Variants in SRRM4 observed in about 807,000 individuals in gnomAD.
SRRM4 encodes serine/arginine repetitive matrix 4.
SRRM4 carries 33 observed loss-of-function variants against 68.9 expected under a neutral mutation model. That is an observed-to-expected ratio of 0.48 (90% CI 0.36 to 0.64). The LOEUF (loss-of-function observed/expected upper bound fraction) is 0.64. Ranked by LOEUF, SRRM4 falls within the 30% of genes least tolerant of loss-of-function variation. SRRM4 has a pLI of 0.00. For missense variants in SRRM4, 817 were observed against 827.1 expected, an observed-to-expected ratio of 0.99 and a Z score of 0.15; for synonymous variants, 318 against 318.8, an observed-to-expected ratio of 1.00 and a Z score of 0.03.
chr12:119,005,426 A>C (rs562832565), intron 1 of SRRM4, among the ~76,000 whole-genome samples: 1 of 152,326 alleles, frequency 6.6e-6, no homozygotes, highest in African/African-American at 2.4e-5. Flanking sequence ...CCACCTCCAG[A>C]CATTCTTATT....
In SRRM4 at chr12:119,151,151, C is replaced by T. The variant is rs187731686; in HGVS notation, c.1211C>T (p.Ser404Leu). The T allele has an allele frequency of 9.1e-4, 1,468 of 1,613,928 alleles. 10 individuals are homozygous for T. Among genetic ancestry groups the T allele is most frequent in the Non-Finnish European group, 2.6e-4 (310 of 1,179,858 alleles). ...SYASTRSSSH[S>L]SRSPNPRASP... ...GCCAGCACCCGATCCTCCAGTCACT[C>T]GTCCCGATCCCCAAATCCCAGGGCT... Residue 404 changes from serine to leucine, a missense_variant, in exon 10 of 13, where the codon TCG becomes TTG. Transcript: ENST00000267260.
intron 1 of SRRM4, among the ~76,000 whole-genome samples, chr12:119,098,650 C>T (rs1954059375): frequency 6.6e-6 from 1 of 152,118 alleles, no homozygotes; most frequent in Admixed American, 6.5e-5. Context: ...CAAAGGCATA[C>T]CACATCCTAG....
chr12:119,046,094 G>A (rs958769843), intron 1 of SRRM4, among the ~76,000 whole-genome samples: 2 of 151,806 alleles, frequency 1.3e-5, no homozygotes, highest in South Asian at 2.1e-4. Flanking sequence ...CAATCCCAGC[G>A]ACCCACTGAT....
chr12:118,994,572 A>T (rs1327266512), intron 1 of SRRM4, among the ~76,000 whole-genome samples: 2 of 152,158 alleles, frequency 1.3e-5, no homozygotes, highest in Non-Finnish European at 2.9e-5. Flanking sequence ...ACTCCCAGTC[A>T]CCAAGCAAAT....
At chr12:119,118,719 C>G (rs1478286249) in intron 4 of SRRM4, among the ~76,000 whole-genome samples, 1 of 152,194 alleles carries the variant, frequency 6.6e-6, no homozygotes, top group Non-Finnish European at 1.5e-5. Context: ...TGGGGGTTCG[C>G]TGGGGGAAGG....
intron 1 of SRRM4, chr12:119,069,650 G>A (rs1488316183): frequency 6.6e-6 from 1 of 152,206 alleles, no homozygotes; most frequent in Non-Finnish European, 1.5e-5. Context: ...CTCAGCCAAT[G>A]AGATGTAAAT....
intron 1 of SRRM4, among the ~76,000 whole-genome samples, chr12:118,988,333 A>T (rs1445515722): frequency 6.6e-6 from 1 of 152,252 alleles, no homozygotes; most frequent in Non-Finnish European, 1.5e-5. Flanking sequence ...TTAATAGGAG[A>T]GAAAGCAGGC....
intron 1 of SRRM4, among the ~76,000 whole-genome samples, chr12:119,029,447 A>C (rs192863267): frequency 5.3e-5 from 8 of 152,272 alleles, no homozygotes; most frequent in African/African-American, 2.4e-5. Context: ...ATGTGCTAGA[A>C]ATTTTTCATG....
At chr12:118,986,334 G>A (rs1415461504) in intron 1 of SRRM4, among the ~76,000 whole-genome samples, 1 of 152,126 alleles carries the variant, frequency 6.6e-6, no homozygotes, top group Admixed American at 6.6e-5. Context: ...GTTATTGTGT[G>A]GGTCAAACCT....
intron 1 of SRRM4, among the ~76,000 whole-genome samples, chr12:119,026,676 G>A (rs1953550663): frequency 6.6e-6 from 1 of 152,034 alleles, no homozygotes; most frequent in Admixed American, 6.6e-5. Context: ...AGCCTCTCGA[G>A]TAGCTGGGAT....
intron 1 of SRRM4, among the ~76,000 whole-genome samples, chr12:118,989,065 C>T (rs1008719805): frequency 4.6e-5 from 7 of 152,028 alleles, no homozygotes; most frequent in Non-Finnish European, 7.4e-5. Flanking sequence ...TCCCAGGATG[C>T]AGGCAGAAAA....
chr12:119,107,609 AG>A (rs1476599747), intron 2 of SRRM4, among the ~76,000 whole-genome samples: 2 of 151,902 alleles, frequency 1.3e-5, no homozygotes, highest in Non-Finnish European at 2.9e-5. Context: ...ATTTGTGTAG[AG>A]TGTTTATAGT....
intron 1 of SRRM4, among the ~76,000 whole-genome samples, chr12:119,082,359 C>T (rs1953954192): frequency 6.6e-6 from 1 of 152,114 alleles, no homozygotes; most frequent in Admixed American, 6.5e-5. Flanking sequence ...TCCCATCTTC[C>T]TTTCAGCCAG....
chr12:119,125,348 C>T (rs368619067), intron 6 of SRRM4, 33 bp from the exon 7 acceptor site: 55 of 1,581,018 alleles, frequency 3.5e-5, no homozygotes, highest in Admixed American at 5.1e-5. Flanking sequence ...TCTCTCTCCT[C>T]TCCTCTGACT....
intron 1 of SRRM4, among the ~76,000 whole-genome samples, chr12:118,993,351 A>G (rs749970665): frequency 1.3e-5 from 2 of 152,206 alleles, no homozygotes; most frequent in African/African-American, 2.4e-5. Flanking sequence ...AGAGTGTGCC[A>G]GCATCATGCC....
At chr12:119,036,426 C>T (rs1022239407) in intron 1 of SRRM4, among the ~76,000 whole-genome samples, 2 of 152,186 alleles carry the variant, frequency 1.3e-5, no homozygotes, top group African/African-American at 4.8e-5. Context: ...GAGCTTGGGC[C>T]TCCTTCCACA....
At chr12:119,103,813 G>T (rs982590571) in intron 2 of SRRM4, among the ~76,000 whole-genome samples, 1 of 152,162 alleles carries the variant, frequency 6.6e-6, no homozygotes, top group Non-Finnish European at 1.5e-5. Context: ...GACCAGCCTG[G>T]CCAACATGGT....
intron 6 of SRRM4, among the ~76,000 whole-genome samples, chr12:119,124,624 T>G (rs1954245572): frequency 6.6e-6 from 1 of 152,186 alleles, no homozygotes; most frequent in Non-Finnish European, 1.5e-5. Flanking sequence ...TGAAGTAACC[T>G]GCAGTAACAC....
At chr12:119,114,213 C>T (rs997137082) in intron 2 of SRRM4, 65 bp from the exon 3 acceptor site, 8 of 1,445,386 alleles carry the variant, frequency 5.5e-6, no homozygotes, top group Non-Finnish European at 6.7e-6. Context: ...CCTGGCTGCA[C>T]CAGCTCTGGT....
Sources: gnomAD v4.1 joint callset for allele counts (sites outside exome capture counted in the v4.1 genomes callset) on GRCh38, gnomAD v4.1.1 for gene constraint, MANE v1.5 for transcripts, NCBI Gene and HGNC (gene_info 2026-07-23, HGNC 2026-07-21) for gene names.